Variants in PCDHGB1 observed in about 807,000 individuals in gnomAD.
PCDHGB1 encodes protocadherin gamma subfamily B, 1.
PCDHGB1 carries 34 observed loss-of-function variants against 56.6 expected under a neutral mutation model. The ratio of observed to expected loss-of-function variants is 0.60; its 90% CI spans 0.46 to 0.80. The LOEUF (loss-of-function observed/expected upper bound fraction) is 0.80. PCDHGB1 is among the 30% of genes least tolerant of loss of function. The probability of loss-of-function intolerance (pLI) is 0.00; values close to 1 mark genes in which losing one functional copy is unlikely to be tolerated. For missense variants in PCDHGB1, 1,278 were observed against 1,204.6 expected (o/e 1.06, Z -0.90); for synonymous variants, 561 against 505.9 (o/e 1.11, Z -1.46).
In PCDHGB1 at chr5:141,480,033, C is replaced by G. The variant is rs370321166; in HGVS notation, c.2410-14774C>G. On this transcript the variant is annotated intron_variant, in intron 1 of 3. Coordinates refer to ENST00000523390, the MANE Select transcript of PCDHGB1 (RefSeq NM_018922.3). ...CTCAATCTCCTTTCTAAGCCTCTTC[C>G]TCATATGCAAAAAGGGAATAATAAG... is the stretch of plus-strand genomic sequence containing the variant. Among the ~76,000 whole-genome samples, 3 of 152,224 alleles carry G rather than the reference C, an allele frequency of 2.0e-5. No individual in the cohort carries two copies. The East Asian group carries it at 5.8e-4, about 29-fold the overall frequency.
At position 141,431,982 on chromosome 5, in the gene PCDHGB1, T is replaced by G. The variant is rs2097433926; in HGVS notation, c.2410-62825T>G. The G allele has an allele frequency of 6.2e-7, 1 of 1,614,212 alleles. No homozygotes were observed. Among genetic ancestry groups the G allele is most frequent in the African/African-American group, 1.3e-5 (1 of 75,056 alleles). ...AATTACTATAGTTTAGTCACAGACA[T>G]AGTCTTGGATAGGGAACAGGTTCCT... On this transcript the variant is annotated intron_variant, in intron 1 of 3. Transcript: ENST00000523390. The surrounding 1 kb of genome is among the most constrained non-coding windows in gnomAD (Gnocchi z 4.8).
chr5:141,425,207 G>A lies in PCDHGB1; in HGVS notation c.2410-69600G>A, dbSNP rs546494803. 1.8e-3 allele frequency among the ~76,000 whole-genome samples: 281 copies of A among 152,238 alleles called. 1 individual carries two copies. The highest frequency in any genetic ancestry group is 6.6e-3 in the African/African-American group (274 of 41,534). ...TCCAAACTGAGAAAAATGATGTAAG[G>A]CATTGTACTTTGACTGGAATTAGTT... On this transcript the variant is annotated intron_variant, in intron 1 of 3. Coordinates refer to ENST00000523390, the MANE Select transcript of PCDHGB1 (RefSeq NM_018922.3).
rs1266306917 is a variant in PCDHGB1 at position 141,403,005 on chromosome 5, C to A, written c.2409+50336C>A. ...CGCGGAAGATTAGTCCTGCTATGCTCGCTCCTGGGGATGCTATGGGAGGCC... is the reference window on the plus strand; with the variant it reads ...CGCGGAAGATTAGTCCTGCTATGCTAGCTCCTGGGGATGCTATGGGAGGCC... On this transcript the variant is annotated intron_variant, in intron 1 of 3. Transcript: ENST00000523390. The A allele has an allele frequency of 2.5e-6, 4 of 1,613,960 alleles. No homozygotes were observed. The East Asian group carries it at 8.9e-5, about 36-fold the overall frequency.
At chr5:141,394,109 G>A (rs764779834) in intron 1 of PCDHGB1, 3 of 1,613,898 alleles carry the variant, frequency 1.9e-6, no homozygotes, top group East Asian at 4.5e-5. Flanking sequence ...CACCACCTCT[G>A]TCCACTGAAA....
At chr5:141,480,221 T>C (rs2099514536) in intron 1 of PCDHGB1, among the ~76,000 whole-genome samples, 1 of 149,748 alleles carries the variant, frequency 6.7e-6, no homozygotes, top group Admixed American at 6.7e-5. Context: ...CTGAGCGACA[T>C]AGTGAGATCC....
chr5:141,480,224 T>G (rs2099514647), intron 1 of PCDHGB1, among the ~76,000 whole-genome samples: 1 of 146,584 alleles, frequency 6.8e-6, no homozygotes, highest in Non-Finnish European at 1.5e-5. Context: ...AGCGACATAG[T>G]GAGATCCTGT....
intron 3 of PCDHGB1, among the ~76,000 whole-genome samples, chr5:141,506,138 G>T (rs983643755): frequency 6.6e-6 from 1 of 152,134 alleles, no homozygotes; most frequent in African/African-American, 2.4e-5. Flanking sequence ...AGGAGAAGAA[G>T]AATATCATTT....
At position 141,508,878 on chromosome 5, in the gene PCDHGB1, C is replaced by A. The variant is rs189735747; in HGVS notation, c.2558-2069C>A. The stretch of plus-strand genomic sequence containing the variant: ...GGCTGGGAAAGGCTGAAGAGGCTGA[C>A]GGCTGGAGGGGAGGGGGCGGGGCGG... On this transcript the variant is annotated intron_variant, in intron 3 of 3. Transcript: ENST00000523390. Among the ~76,000 whole-genome samples, 561 of 152,074 alleles carry A rather than the reference C, an allele frequency of 3.7e-3. 3 individuals carry two copies. The highest frequency in any genetic ancestry group is 0.012 in the African/African-American group (508 of 41,498).
chr5:141,399,832 G>C (rs2093898646), intron 1 of PCDHGB1: 1 of 1,613,034 alleles, frequency 6.2e-7, no homozygotes, highest in Admixed American at 1.7e-5. Context: ...CGACGGCTCT[G>C]CGCTCTTCGA....
intron 1 of PCDHGB1, chr5:141,399,725 A>G (rs2093873556): frequency 6.2e-7 from 1 of 1,613,192 alleles, no homozygotes; most frequent in Admixed American, 1.7e-5. Flanking sequence ...GCCCGCGACC[A>G]GGGCTCGCCT....
chr5:141,507,631 C>A (rs1435446169), intron 3 of PCDHGB1, among the ~76,000 whole-genome samples: 1 of 152,236 alleles, frequency 6.6e-6, no homozygotes, highest in Non-Finnish European at 1.5e-5. Context: ...TGTGGCCTTG[C>A]GCCCTGAGGC....
intron 1 of PCDHGB1, chr5:141,409,386 A>C (rs369240403): frequency 1.2e-6 from 2 of 1,613,914 alleles, no homozygotes; most frequent in African/African-American, 2.7e-5. Flanking sequence ...TTCAAGATTT[A>C]TTCTTCTTCC....
At chr5:141,456,687 A>G (rs1053490307) in intron 1 of PCDHGB1, among the ~76,000 whole-genome samples, 1 of 152,156 alleles carries the variant, frequency 6.6e-6, no homozygotes. Context: ...ATTACTGGCC[A>G]GGCGTGGTGG....
intron 1 of PCDHGB1, among the ~76,000 whole-genome samples, chr5:141,436,531 G>T (rs1365651055): frequency 6.6e-6 from 1 of 152,152 alleles, no homozygotes; most frequent in African/African-American, 2.4e-5. Context: ...CCTTTAGCAA[G>T]TTATTTAATC....
At chr5:141,358,277 T>C (rs1760874322) in intron 1 of PCDHGB1, among the ~76,000 whole-genome samples, 1 of 152,226 alleles carries the variant, frequency 6.6e-6, no homozygotes, top group Admixed American at 6.5e-5. Flanking sequence ...ACCTGTAAAA[T>C]AGAAGGCAAT....
In PCDHGB1 at chr5:141,384,530, G is replaced by T. The variant is rs772652132; in HGVS notation, c.2409+31861G>T. The T allele has an allele frequency of 1.7e-5, 28 of 1,614,238 alleles. No individual in the cohort carries two copies. In the South Asian group the frequency reaches 2.6e-4, roughly 15 times the overall value. On this transcript the variant is annotated intron_variant, in intron 1 of 3. Coordinates refer to ENST00000523390, the MANE Select transcript of PCDHGB1 (RefSeq NM_018922.3). ...GACAGCGGGGACCCGCCTCTCAGCA[G>T]CAACATGTCACTGAGCCTGTTCGTG...
chr5:141,373,880 A>T, intron 1 of PCDHGB1: 1 of 466,736 alleles, frequency 2.1e-6, no homozygotes, highest in Non-Finnish European at 3.6e-6. Context: ...CAAGAAAATC[A>T]ACGGAAACTC....
chr5:141,468,339 A>G (rs1320544911), intron 1 of PCDHGB1: 2 of 151,348 alleles, frequency 1.3e-5, no homozygotes, highest in Non-Finnish European at 2.9e-5. Context: ...TCAAAAAAAA[A>G]AAAAAAAAAA....
intron 1 of PCDHGB1, chr5:141,419,166 A>G: frequency 6.2e-7 from 1 of 1,613,944 alleles, no homozygotes; most frequent in Non-Finnish European, 8.5e-7. Context: ...TCCTCCAGCA[A>G]AACCATAACC....
Sources: gnomAD v4.1 joint callset for allele counts (sites outside exome capture counted in the v4.1 genomes callset) on GRCh38, gnomAD v4.1.1 for gene constraint, Gnocchi (gnomAD v3.1) non-coding constraint, MANE v1.5 for transcripts, NCBI Gene and HGNC (gene_info 2026-07-23, HGNC 2026-07-21) for gene names.